Variants in EYS observed in about 807,000 individuals in gnomAD.
EYS encodes the protein protein eyes shut homolog.
EYS carries 250 observed loss-of-function variants against 282.1 expected under a neutral mutation model. The ratio of observed to expected loss-of-function variants is 0.89; its 90% CI spans 0.80 to 0.98. The LOEUF (loss-of-function observed/expected upper bound fraction) is 0.98. Ranked by LOEUF, EYS falls within the 50% of genes least tolerant of loss-of-function variation. The pLI is 0.00. For missense variants in EYS, 4,016 were observed against 3,709.0 expected (o/e 1.08, Z -2.15); for synonymous variants, 1,355 against 1,282.9 (o/e 1.06, Z -1.20).
chr6:65,684,041 T>C (rs1294263089), intron 1 of EYS, among the ~76,000 whole-genome samples: 1 of 152,006 alleles, frequency 6.6e-6, no homozygotes, highest in Non-Finnish European at 1.5e-5. Context: ...CTTTAGTGGA[T>C]TGTAGATTAA....
chr6:64,130,003 A>T (rs1285305619), intron 31 of EYS, among the ~76,000 whole-genome samples: 1 of 152,136 alleles, frequency 6.6e-6, no homozygotes, highest in Admixed American at 6.5e-5. Context: ...CTGTTTTGGT[A>T]CCAGTACCAT....
At chr6:63,824,014 C>A (rs1771391345) in intron 36 of EYS, among the ~76,000 whole-genome samples, 1 of 152,168 alleles carries the variant, frequency 6.6e-6, no homozygotes, top group East Asian at 1.9e-4. Context: ...GAACCTACTT[C>A]CACCAAGCTT....
In EYS at chr6:65,207,566, C is replaced by A. The variant is rs569097852; in HGVS notation, c.2023+88297G>T. On this transcript the variant is annotated intron_variant, in intron 12 of 42. Coordinates refer to ENST00000503581, the MANE Select transcript of EYS (RefSeq NM_001142800.2). Reference sequence around the variant, plus strand: ...TGAAACCACACAAGAGCCTAAATAGCAAAAACAATCCTAAACTAAAAGAAC... The same window carrying A: ...TGAAACCACACAAGAGCCTAAATAGAAAAAACAATCCTAAACTAAAAGAAC... Among the ~76,000 whole-genome samples the A allele has an allele frequency of 3.3e-5, 5 of 151,764 alleles. No individual in the cohort carries two copies. The South Asian group carries it at 1.0e-3, about 31-fold the overall frequency.
chr6:64,668,803 G>A (rs545349499), intron 22 of EYS, among the ~76,000 whole-genome samples: 8 of 151,614 alleles, frequency 5.3e-5, no homozygotes, highest in South Asian at 2.1e-4. Context: ...TCCTGACCTC[G>A]TGATCCACCC....
At chr6:64,271,601 A>T (rs566010035) in intron 30 of EYS, among the ~76,000 whole-genome samples, 3 of 152,272 alleles carry the variant, frequency 2.0e-5, no homozygotes, top group African/African-American at 7.2e-5. Context: ...GAAGTCAGAG[A>T]AAGAGTGTCA....
intron 35 of EYS, among the ~76,000 whole-genome samples, chr6:63,948,812 C>T (rs1190252043): frequency 6.6e-6 from 1 of 152,036 alleles, no homozygotes; most frequent in Non-Finnish European, 1.5e-5. Context: ...TGTATCTGGG[C>T]ATTTAAGTAT....
chr6:65,424,436 T>C (rs185876052), intron 5 of EYS, among the ~76,000 whole-genome samples: 3 of 152,124 alleles, frequency 2.0e-5, no homozygotes, highest in Non-Finnish European at 2.9e-5. Flanking sequence ...CTTCCTTTGT[T>C]ACTTCCTTTC....
rs535856659 is a variant in EYS, at chr6:65,033,501, G to A, written c.2137+24113C>T. On this transcript the variant is annotated intron_variant, in intron 13 of 42. Coordinates refer to ENST00000503581, the MANE Select transcript of EYS (RefSeq NM_001142800.2). The stretch of plus-strand genomic sequence containing the variant: ...AGGCCCTTTTGAAGTTGCTCCCCAT[G>A]TTCTGGCCTCTCTAGCTTCATCTGT... 5.3e-5 allele frequency among the ~76,000 whole-genome samples: 8 copies of A among 152,272 alleles called. No homozygotes were observed. In the East Asian group the frequency reaches 1.6e-3, roughly 30 times the overall value.
chr6:64,674,227 T>C (rs1411014837), intron 22 of EYS, among the ~76,000 whole-genome samples: 2 of 152,076 alleles, frequency 1.3e-5, no homozygotes, highest in Admixed American at 6.6e-5. Context: ...CAAATATCCT[T>C]GGAATGCTTT....
chr6:64,032,587 C>T lies in EYS; in HGVS notation c.6726-33404G>A, dbSNP rs564651020. On this transcript the variant is annotated intron_variant, in intron 33 of 42. Coordinates refer to ENST00000503581, the MANE Select transcript of EYS (RefSeq NM_001142800.2). ...CTCAGGCCCACAAGACTAATCCTTG[C>T]TTCAGATGTCAATCTGAAGTAAGTA... Among the ~76,000 whole-genome samples the T allele has an allele frequency of 2.1e-3, 319 of 152,310 alleles. 1 individual carries two copies. The highest frequency in any genetic ancestry group is 7.2e-3 in the African/African-American group (298 of 41,574).
At chr6:65,448,160 G>C (rs1764263144) in intron 5 of EYS, among the ~76,000 whole-genome samples, 1 of 151,948 alleles carries the variant, frequency 6.6e-6, no homozygotes, top group Middle Eastern at 3.2e-3. Context: ...TTTGCAAAAA[G>C]CTGATACAAA....
At chr6:63,860,576 T>C (rs2149708011) in intron 36 of EYS, among the ~76,000 whole-genome samples, 2 of 152,366 alleles carry the variant, frequency 1.3e-5, no homozygotes, top group Non-Finnish European at 2.9e-5. Context: ...ACGCACAAGT[T>C]GCCCACAGTG....
At chr6:64,070,971 CTA>C (rs1002489311) in intron 32 of EYS, among the ~76,000 whole-genome samples, 142 of 152,116 alleles carry the variant, frequency 9.3e-4, no homozygotes, top group African/African-American at 2.5e-3. Context: ...CCTCAGGAGT[CTA>C]TGGATACACT....
chr6:65,024,244 A>G (rs1772331488), intron 13 of EYS, among the ~76,000 whole-genome samples: 1 of 152,230 alleles, frequency 6.6e-6, no homozygotes, highest in African/African-American at 2.4e-5. Flanking sequence ...CACAAGATTT[A>G]AGTAGCATTC....
intron 12 of EYS, among the ~76,000 whole-genome samples, chr6:65,106,054 T>C (rs1052753099): frequency 3.9e-5 from 6 of 151,934 alleles, no homozygotes; most frequent in Non-Finnish European, 7.4e-5. Flanking sequence ...ACCATTATGA[T>C]CTGAAAAATC....
At chr6:64,886,420 G>A (rs116261972) in intron 19 of EYS, among the ~76,000 whole-genome samples, 2,152 of 151,862 alleles carry the variant, frequency 0.014, 16 homozygotes, top group Non-Finnish European at 0.024. Flanking sequence ...ATACTTTTTT[G>A]TATATTATAG....
At chr6:64,477,551 C>T (rs4142182) in intron 26 of EYS, among the ~76,000 whole-genome samples, 8 of 151,844 alleles carry the variant, frequency 5.3e-5, no homozygotes, top group African/African-American at 7.2e-5. Flanking sequence ...CCACATGGCC[C>T]GTTGCTGATC....
intron 31 of EYS, among the ~76,000 whole-genome samples, chr6:64,123,009 T>A (rs1009432041): frequency 3.9e-5 from 6 of 152,148 alleles, no homozygotes; most frequent in African/African-American, 1.4e-4. Context: ...TACAATATCA[T>A]GAAACTATTG....
chr6:64,922,310 T>C (rs989958188), intron 15 of EYS, among the ~76,000 whole-genome samples: 1 of 152,202 alleles, frequency 6.6e-6, no homozygotes, highest in African/African-American at 2.4e-5. Flanking sequence ...TCACACACAT[T>C]CCCACAAATA....
Sources: gnomAD v4.1 joint callset for allele counts (sites outside exome capture counted in the v4.1 genomes callset) on GRCh38, gnomAD v4.1.1 for gene constraint, MANE v1.5 for transcripts, NCBI Gene and HGNC (gene_info 2026-07-23, HGNC 2026-07-21) for gene names.